ADGRL4: variants seen among roughly 807,000 people sequenced by gnomAD.
ADGRL4 encodes adhesion G protein-coupled receptor L4.
ADGRL4 carries 90 observed loss-of-function variants against 74.8 expected under a neutral mutation model. The ratio of observed to expected loss-of-function variants is 1.20; its 90% confidence interval spans 1.02 to 1.43. The LOEUF is 1.43. ADGRL4 is among the 40% of genes most tolerant of loss of function. The probability of loss-of-function intolerance (pLI) is 0.00; values close to 1 mark genes in which losing one functional copy is unlikely to be tolerated. For synonymous variants in ADGRL4, 311 were observed against 279.2 expected, an observed-to-expected ratio of 1.11 and a Z score of -1.14; for missense variants, 881 against 814.3, an observed-to-expected ratio of 1.08 and a Z score of -1.00.
intron 2 of ADGRL4, among the ~76,000 whole-genome samples, chr1:78,961,045 T>C (rs1338187956): frequency 2.0e-5 from 3 of 152,162 alleles, no homozygotes; most frequent in African/African-American, 7.2e-5. Context: ...TATCTTTCCA[T>C]CAGCTATTGT....
chr1:79,006,598 G>A, intron 1 of ADGRL4, 35 bp downstream of exon 1: 1 of 1,533,420 alleles, frequency 6.5e-7, no homozygotes, highest in Non-Finnish European at 8.8e-7. Flanking sequence ...TGGTCCCTCC[G>A]ACGACCTCGG....
intron 6 of ADGRL4, 121 bp downstream of exon 6, chr1:78,937,685 TA>T: frequency 4.7e-6 from 4 of 845,110 alleles, no homozygotes; most frequent in Non-Finnish European, 7.5e-6. Context: ...TGTACACTGA[TA>T]AAACTACTTT....
chr1:78,937,747 A>G, intron 6 of ADGRL4, 60 bp downstream of exon 6: 1 of 1,525,910 alleles, frequency 6.6e-7, no homozygotes, highest in Non-Finnish European at 8.9e-7. Context: ...CCCACCCAAA[A>G]CTTTGAAAAT....
intron 7 of ADGRL4, among the ~76,000 whole-genome samples, chr1:78,933,566 G>A (rs924268395): frequency 2.6e-5 from 4 of 151,310 alleles, no homozygotes; most frequent in Non-Finnish European, 5.9e-5. Context: ...TGTAGTATTG[G>A]GAGTTCTGGC....
At chr1:78,901,969 T>C (rs746930155) in intron 12 of ADGRL4, among the ~76,000 whole-genome samples, 1 of 152,090 alleles carries the variant, frequency 6.6e-6, no homozygotes, top group African/African-American at 2.4e-5. Flanking sequence ...AAAAATTAAG[T>C]GATCTGAAAT....
At chr1:78,901,651 A>G (rs1302164118) in intron 12 of ADGRL4, among the ~76,000 whole-genome samples, 1 of 152,212 alleles carries the variant, frequency 6.6e-6, no homozygotes, top group Non-Finnish European at 1.5e-5. Context: ...ACAGGTATAA[A>G]ATGGTACTAG....
chr1:78,959,211 G>A (rs1312430121), intron 2 of ADGRL4, among the ~76,000 whole-genome samples: 1 of 152,018 alleles, frequency 6.6e-6, no homozygotes, highest in South Asian at 2.1e-4. Flanking sequence ...ATATCTCTGA[G>A]GTATGCCTTT....
chr1:78,939,199 T>C lies in ADGRL4; in HGVS notation c.385A>G (p.Thr129Ala). Residue 129 changes from threonine to alanine, a missense_variant, in exon 4 of 15, where the codon ACT becomes GCT. Coordinates refer to ENST00000370742, the MANE Select transcript of ADGRL4 (RefSeq NM_022159.4). ...NVCIAANINK[T>A]LTKIRSIKEP... ...ACTGTTCTACTTACTTTTGTTAAAG[T>C]TTTATTAATATTTGCAGCTATACAG... The C allele has an allele frequency of 6.4e-7, 1 of 1,561,014 alleles. No individual in the cohort carries two copies. Among genetic ancestry groups the C allele is most frequent in the Non-Finnish European group, 8.6e-7 (1 of 1,158,708 alleles).
rs1246284313 is a variant in ADGRL4 at position 78,972,678 on chromosome 1, T to C, written c.173-26252A>G. 3.3e-5 allele frequency among the ~76,000 whole-genome samples: 5 copies of C among 152,224 alleles called. No homozygotes were observed. The East Asian group carries it at 7.7e-4, about 23-fold the overall frequency. ...TTGGCTTCATAAATGAATCTGCTTA[T>C]TGCCGAAGCATTCTCAAATTCTATT... On this transcript the variant is annotated intron_variant, in intron 2 of 14. Transcript: ENST00000370742.
intron 4 of ADGRL4, among the ~76,000 whole-genome samples, chr1:78,938,847 A>G (rs11162576): frequency 0.086 from 13,054 of 152,116 alleles, 747 homozygotes; most frequent in East Asian, 0.33. Flanking sequence ...ATCTAGGTGC[A>G]TTCAATTATG....
At chr1:78,926,423 C>G (rs1442740704) in intron 8 of ADGRL4, among the ~76,000 whole-genome samples, 2 of 151,930 alleles carry the variant, frequency 1.3e-5, no homozygotes, top group Non-Finnish European at 2.9e-5. Context: ...GTAAAATGGT[C>G]TCCACCAATT....
chr1:78,897,825 T>C (rs757528687), intron 12 of ADGRL4, among the ~76,000 whole-genome samples: 19 of 152,188 alleles, frequency 1.2e-4, no homozygotes, highest in Non-Finnish European at 2.6e-4. Flanking sequence ...AATGTCATAT[T>C]AAAATATTCA....
At chr1:78,991,323 C>A (rs1650604044) in intron 2 of ADGRL4, among the ~76,000 whole-genome samples, 2 of 151,906 alleles carry the variant, frequency 1.3e-5, no homozygotes, top group South Asian at 4.1e-4. Context: ...TTAATCAAGC[C>A]CCAAAAACCT....
chr1:78,993,022 A>G (rs1179288253), intron 2 of ADGRL4, among the ~76,000 whole-genome samples: 3 of 152,156 alleles, frequency 2.0e-5, no homozygotes, highest in Non-Finnish European at 4.4e-5. Flanking sequence ...TGTAAATTTT[A>G]GTTGATTGTA....
chr1:78,908,303 G>A (rs1243768612), intron 12 of ADGRL4, among the ~76,000 whole-genome samples: 2 of 151,950 alleles, frequency 1.3e-5, no homozygotes, highest in African/African-American at 4.8e-5. Context: ...TAAGTTTAAG[G>A]ATTTTATGGA....
At chr1:79,001,534 G>C (rs1281121952) in intron 2 of ADGRL4, among the ~76,000 whole-genome samples, 2 of 152,128 alleles carry the variant, frequency 1.3e-5, no homozygotes, top group African/African-American at 4.8e-5. Flanking sequence ...TATATTCTGG[G>C]TATGTGCTCT....
At chr1:78,999,307 T>A (rs1359490837) in intron 2 of ADGRL4, among the ~76,000 whole-genome samples, 1 of 152,198 alleles carries the variant, frequency 6.6e-6, no homozygotes, top group Non-Finnish European at 1.5e-5. Flanking sequence ...GGGGAAGTAT[T>A]GGAAGTGCTA....
At chr1:79,002,413 A>AT (rs1650862278) in intron 2 of ADGRL4, among the ~76,000 whole-genome samples, 1 of 152,100 alleles carries the variant, frequency 6.6e-6, no homozygotes, top group South Asian at 2.1e-4. Context: ...AACATGTATG[A>AT]TATTTTTAAA....
intron 2 of ADGRL4, among the ~76,000 whole-genome samples, chr1:78,998,628 A>C (rs565169037): frequency 6.6e-6 from 1 of 152,118 alleles, no homozygotes; most frequent in Non-Finnish European, 1.5e-5. Flanking sequence ...GGCTTAGCAA[A>C]GTGCTGGGAT....
Sources: allele counts gnomAD v4.1 joint callset (sites outside exome capture counted in the v4.1 genomes callset), GRCh38; gene constraint gnomAD v4.1.1; transcripts MANE v1.5; gene names NCBI Gene and HGNC (gene_info 2026-07-23, HGNC 2026-07-21).